Variants in CCDC138 observed in about 807,000 individuals in gnomAD.
The protein encoded by CCDC138 is coiled-coil domain containing 138.
Under a neutral mutation model 82.3 loss-of-function variants are expected in CCDC138, and 66 were observed. The ratio of observed to expected loss-of-function variants is 0.80; its 90% CI spans 0.66 to 0.98. CCDC138 has a LOEUF of 0.98. Ranked by LOEUF, CCDC138 falls within the 50% of genes least tolerant of loss-of-function variation. The pLI, the probability that CCDC138 is intolerant of heterozygous loss-of-function variation, is 0.00. For synonymous variants in CCDC138, 297 were observed against 265.4 expected, an observed-to-expected ratio of 1.12 and a Z score of -1.16; for missense variants, 816 against 758.9, an observed-to-expected ratio of 1.08 and a Z score of -0.88.
At position 108,816,022 on chromosome 2, in the gene CCDC138, C is replaced by T. The variant is rs1684733366; in HGVS notation, c.1123C>T (p.His375Tyr). 2 of 1,613,560 alleles carry T rather than the reference C, an allele frequency of 1.2e-6. No homozygotes were observed. The change falls in exon 10 of 15, where the codon CAT (histidine) becomes TAT (tyrosine). Residue 375 changes from histidine to tyrosine, a missense_variant. By Grantham distance (83) the His-to-Tyr change is moderately conservative. Transcript: ENST00000295124. Reference protein sequence around the residue: ...ISDHHLSKVKHEESGMDGKKP... With the variant: ...ISDHHLSKVKYEESGMDGKKP... ...GGATCATCATCTTAGCAAAGTGAAA[C>T]ATGAAGAATCTGGAATGGATGGTAA...
Position 108,792,078 on chromosome 2 carries a change from A to T in CCDC138, c.394+276A>T, listed in dbSNP as rs58121855. Among the ~76,000 whole-genome samples the T allele has an allele frequency of 4.5e-3, 688 of 152,348 alleles. 4 individuals are homozygous for T. Among genetic ancestry groups the T allele is most frequent in the African/African-American group, 0.016 (657 of 41,574 alleles). ...ATGATTGTGGTAGTATTTGACTACA[A>T]TATTTTGAGAAAATACTCCAGATTA... On this transcript the variant is annotated intron_variant, in intron 4 of 14. Coordinates refer to ENST00000295124, the MANE Select transcript of CCDC138 (RefSeq NM_144978.3).
chr2:108,791,196 T>C (rs1679854335), intron 3 of CCDC138, among the ~76,000 whole-genome samples: 1 of 152,220 alleles, frequency 6.6e-6, no homozygotes, highest in Non-Finnish European at 1.5e-5. Context: ...TGACTTGTGT[T>C]ATATTGCTTT....
chr2:108,841,415 G>C (rs1005113368), intron 11 of CCDC138, among the ~76,000 whole-genome samples: 1 of 151,694 alleles, frequency 6.6e-6, no homozygotes. Context: ...CATCTGTTTT[G>C]CCTCACATAT....
chr2:108,831,700 T>TTCCTTCCTTC (rs1553418473), intron 10 of CCDC138, among the ~76,000 whole-genome samples: 8 of 145,260 alleles, frequency 5.5e-5, no homozygotes, highest in African/African-American at 1.6e-4. Context: ...TGGCACAGAA[T>TTCCTTCCTTC]CTTCCTTCCT....
At chr2:108,884,615 A>G (rs1171524647) in intron 2 of CCDC138, 3 of 152,224 alleles carry the variant, frequency 2.0e-5, no homozygotes, top group South Asian at 2.1e-4. Flanking sequence ...GCTCCACATA[A>G]TAAACATCAG....
chr2:108,838,136 A>G (rs1227939815), intron 10 of CCDC138, among the ~76,000 whole-genome samples: 1 of 152,028 alleles, frequency 6.6e-6, no homozygotes, highest in East Asian at 1.9e-4. Flanking sequence ...GGCAGAGAAT[A>G]TTGCCTCCTG....
intron 7 of CCDC138, among the ~76,000 whole-genome samples, chr2:108,811,357 G>A (rs1683846554): frequency 6.8e-6 from 1 of 146,452 alleles, no homozygotes; most frequent in African/African-American, 2.5e-5. Context: ...CCACGCTTCT[G>A]CTTCAGCCTC....
At chr2:108,807,496 T>C (rs1044053648) in intron 7 of CCDC138, among the ~76,000 whole-genome samples, 5 of 152,224 alleles carry the variant, frequency 3.3e-5, no homozygotes, top group African/African-American at 1.2e-4. Context: ...ATCATCTCTT[T>C]GTATTGGAAA....
In CCDC138 at chr2:108,788,840, T is replaced by G. The variant is rs573576552; in HGVS notation, c.152-12T>G. The G allele has an allele frequency of 1.2e-4, 192 of 1,613,990 alleles. 1 individual carries two copies. The South Asian group carries it at 2.0e-3, about 17-fold the overall frequency. ...TTGTGGTAATCTTTCATGGTTTCTT[T>G]GTCGTTGACAGGTGATTTGGATATC... On this transcript the variant is annotated splice_polypyrimidine_tract_variant and intron_variant, in intron 2 of 14. Transcript: ENST00000295124.
chr2:108,826,480 A>C (rs1350554648), intron 10 of CCDC138, among the ~76,000 whole-genome samples: 1 of 152,034 alleles, frequency 6.6e-6, no homozygotes, highest in Admixed American at 6.6e-5. Flanking sequence ...GTAGATACCC[A>C]TTTGTTTCAG....
At chr2:108,872,102 T>C (rs1414993162) in intron 13 of CCDC138, among the ~76,000 whole-genome samples, 1 of 152,048 alleles carries the variant, frequency 6.6e-6, no homozygotes, top group East Asian at 1.9e-4. Context: ...GACTGAGTGG[T>C]TTTTAATCTC....
chr2:108,873,461 G>A lies in CCDC138; in HGVS notation c.1704G>A (p.Gln568=). ...TGATTTGTTTTGCAGAATCCTTGCAGCCTTTCCTGGAAGCCTGTAGCAACT... is the reference window on the plus strand; with the variant it reads ...TGATTTGTTTTGCAGAATCCTTGCAACCTTTCCTGGAAGCCTGTAGCAACT... ...LQMTVESKSL[Q]PFLEACSNSL... Residue 568 remains glutamine (Q), a synonymous_variant, in exon 14 of 15, where the codon CAG becomes CAA. Transcript: ENST00000295124. 1.3e-6 allele frequency: 2 copies of A among 1,596,586 alleles called. No homozygotes were observed. The highest frequency in any genetic ancestry group is 1.3e-5 in the African/African-American group (1 of 74,270).
In CCDC138 at chr2:108,841,004, TTTTGTTTG is replaced by T. The variant is rs374254343; in HGVS notation, c.1323+1727_1323+1734del. ...TTTTTGTGTTTTTTGTGTGTGTGTTTTTTGTTTGTTTGTTTGTTTGTTTGTTTGTTTTT... is the reference window on the plus strand; with the variant it reads ...TTTTTGTGTTTTTTGTGTGTGTGTTTTTTGTTTGTTTGTTTGTTTGTTTTT... On this transcript the variant is annotated intron_variant, in intron 11 of 14. Coordinates refer to ENST00000295124, the MANE Select transcript of CCDC138 (RefSeq NM_144978.3). Among the ~76,000 whole-genome samples, 873 of 151,586 alleles carry T rather than the reference TTTTGTTTG, an allele frequency of 5.8e-3. 13 individuals carry two copies. The highest frequency in any genetic ancestry group is 0.016 in the African/African-American group (651 of 41,274).
chr2:108,856,716 A>T, intron 12 of CCDC138, 78 bp from the exon 13 acceptor site: 3 of 1,339,696 alleles, frequency 2.2e-6, no homozygotes, highest in East Asian at 2.4e-5. Flanking sequence ...AAGTAACGAC[A>T]TTGCTTTTTT....
chr2:108,880,598 C>CATTCTGTAA (rs1696264583), downstream of CCDC138, among the ~76,000 whole-genome samples: 1 of 152,158 alleles, frequency 6.6e-6, no homozygotes, highest in Admixed American at 6.5e-5. Context: ...GCTCATTTGC[C>CATTCTGTAA]ATTCTGTAAA....
intron 13 of CCDC138, among the ~76,000 whole-genome samples, chr2:108,869,581 G>A (rs1203678854): frequency 6.6e-6 from 1 of 152,184 alleles, no homozygotes; most frequent in Non-Finnish European, 1.5e-5. Flanking sequence ...TGTGTAGGAG[G>A]AAGAGGTTAT....
intron 11 of CCDC138, among the ~76,000 whole-genome samples, chr2:108,843,261 C>T (rs758019670): frequency 7.4e-4 from 113 of 152,220 alleles, no homozygotes; most frequent in Non-Finnish European, 6.8e-4. Flanking sequence ...GGGTTCAAAC[C>T]ATGCTCCTGC....
At chr2:108,833,094 G>T (rs1015018815) in intron 10 of CCDC138, among the ~76,000 whole-genome samples, 3 of 152,224 alleles carry the variant, frequency 2.0e-5, no homozygotes, top group African/African-American at 7.2e-5. Flanking sequence ...GAGATCAGTA[G>T]CTGCCAGGGG....
intron 13 of CCDC138, among the ~76,000 whole-genome samples, chr2:108,858,611 A>G (rs1448892684): frequency 1.3e-5 from 2 of 151,942 alleles, no homozygotes; most frequent in African/African-American, 4.8e-5. Context: ...TGTAGCAAAT[A>G]CTTCTTTAGC....
Sources: allele counts gnomAD v4.1 joint callset (sites outside exome capture counted in the v4.1 genomes callset), GRCh38; gene constraint gnomAD v4.1.1; transcripts MANE v1.5; gene names NCBI Gene and HGNC (gene_info 2026-07-23, HGNC 2026-07-21).